The following SNTG1 variants were observed in gnomAD, a reference collection of about 807,000 sequenced individuals.
SNTG1 encodes syntrophin gamma 1, also known as gamma-1-syntrophin.
A neutral mutation model predicts 74.7 loss-of-function variants in SNTG1; 39 were observed. The ratio of observed to expected loss-of-function variants is 0.52; its 90% CI spans 0.40 to 0.68. The LOEUF (loss-of-function observed/expected upper bound fraction) is 0.68, where lower values mean the gene tolerates loss of function less well. SNTG1 is among the 30% of genes least tolerant of loss of function. SNTG1 has a pLI of 0.00. For synonymous variants in SNTG1, 254 were observed against 217.1 expected, an observed-to-expected ratio of 1.17 and a Z score of -1.49; for missense variants, 685 against 609.5, an observed-to-expected ratio of 1.12 and a Z score of -1.30.
At chr8:50,338,851 A>G (rs912649302) in intron 2 of SNTG1, among the ~76,000 whole-genome samples, 4 of 152,160 alleles carry the variant, frequency 2.6e-5, no homozygotes, top group African/African-American at 9.6e-5. Flanking sequence ...GAAAACATGT[A>G]GGAACAGAAT....
At chr8:50,060,995 A>G (rs1227407753) in intron 1 of SNTG1, among the ~76,000 whole-genome samples, 1 of 152,124 alleles carries the variant, frequency 6.6e-6, no homozygotes, top group Non-Finnish European at 1.5e-5. Context: ...GCTCAAGAGG[A>G]AGATTTGAAT....
intron 11 of SNTG1, among the ~76,000 whole-genome samples, chr8:50,551,735 A>G (rs1239622360): frequency 6.6e-6 from 1 of 152,224 alleles, no homozygotes; most frequent in Non-Finnish European, 1.5e-5. Context: ...CAATAGTTAT[A>G]CTTCTGAAAT....
At chr8:49,950,278 A>T (rs1169959543) in intron 1 of SNTG1, among the ~76,000 whole-genome samples, 1 of 152,248 alleles carries the variant, frequency 6.6e-6, no homozygotes, top group East Asian at 1.9e-4. Context: ...TGAATGTTAA[A>T]CATGTTATCA....
At chr8:50,605,349 C>A (rs907650332) in intron 13 of SNTG1, among the ~76,000 whole-genome samples, 2 of 152,146 alleles carry the variant, frequency 1.3e-5, no homozygotes, top group Admixed American at 6.5e-5. Flanking sequence ...GCTTAGACTG[C>A]CTTTCAACTT....
At chr8:50,223,513 G>A (rs1191867619) in intron 2 of SNTG1, among the ~76,000 whole-genome samples, 2 of 151,948 alleles carry the variant, frequency 1.3e-5, no homozygotes. Context: ...TCCTTATTGA[G>A]TTTATTATGC....
chr8:50,190,548 A>G (rs751075375), intron 2 of SNTG1, among the ~76,000 whole-genome samples: 3 of 152,188 alleles, frequency 2.0e-5, no homozygotes, highest in African/African-American at 4.8e-5. Flanking sequence ...GGCCGTAACT[A>G]ATTAGCATGC....
At chr8:50,004,081 C>G (rs1814990869) in intron 1 of SNTG1, among the ~76,000 whole-genome samples, 1 of 151,922 alleles carries the variant, frequency 6.6e-6, no homozygotes. Context: ...AAGCTAATAC[C>G]CTGAGGCCAT....
chr8:50,054,404 T>C (rs1368979791), intron 1 of SNTG1, among the ~76,000 whole-genome samples: 2 of 152,138 alleles, frequency 1.3e-5, no homozygotes, highest in African/African-American at 4.8e-5. Context: ...ATTATCTCCT[T>C]ACCCACTACT....
chr8:50,713,041 G>A lies in SNTG1; in HGVS notation c.1284+4063G>A, dbSNP rs150339817. ...AGTAATGGGATTGCTGGGTCAGATG[G>A]TATTTCTGGTTCTAGGTCCTTGAGG... On this transcript the variant is annotated intron_variant, in intron 17 of 18. Coordinates refer to ENST00000642720, the MANE Select transcript of SNTG1 (RefSeq NM_018967.5). Among the ~76,000 whole-genome samples, 479 of 152,244 alleles carry A rather than the reference G, an allele frequency of 3.1e-3. 4 individuals are homozygous for A. The highest frequency in any genetic ancestry group is 0.011 in the African/African-American group (461 of 41,540).
chr8:50,031,470 G>A (rs542591426), intron 1 of SNTG1, among the ~76,000 whole-genome samples: 226 of 152,024 alleles, frequency 1.5e-3, no homozygotes, highest in African/African-American at 5.2e-3. Context: ...GTATGTTTTC[G>A]TAGATTCTCT....
intron 1 of SNTG1, among the ~76,000 whole-genome samples, chr8:50,137,593 A>T (rs1586432402): frequency 6.6e-6 from 1 of 152,336 alleles, no homozygotes; most frequent in East Asian, 1.9e-4. Flanking sequence ...AAATAAGCAA[A>T]GCAGCAAGAA....
At chr8:50,679,970 C>G (rs10429378) in intron 15 of SNTG1, among the ~76,000 whole-genome samples, 50,559 of 151,920 alleles carry the variant, frequency 0.33, 10,880 homozygotes, top group African/African-American at 0.61. Flanking sequence ...GGCAAGGGGA[C>G]CTTACCTGGC....
chr8:50,660,982 G>A (rs1532995), intron 15 of SNTG1, among the ~76,000 whole-genome samples: 143,230 of 152,256 alleles, frequency 0.94, 67,425 homozygotes, highest in East Asian at 1. Flanking sequence ...TCATTTGCTT[G>A]TATTCATTGA....
Position 50,220,775 on chromosome 8 carries a change from T to C in SNTG1, c.-28+48140T>C, listed in dbSNP as rs556119445. Among the ~76,000 whole-genome samples, 10 of 152,356 alleles carry C rather than the reference T, an allele frequency of 6.6e-5. No homozygotes were observed. In the East Asian group the frequency reaches 1.4e-3, roughly 21 times the overall value. On this transcript the variant is annotated intron_variant, in intron 2 of 18. Coordinates refer to ENST00000642720, the MANE Select transcript of SNTG1 (RefSeq NM_018967.5). The stretch of plus-strand genomic sequence containing the variant: ...AAGATACATGCAGTAGTGCTTTTCC[T>C]GCCAGCATGGCAGCAACATTGAAGA...
chr8:50,505,633 A>G (rs2093999770), intron 9 of SNTG1, among the ~76,000 whole-genome samples: 1 of 151,968 alleles, frequency 6.6e-6, no homozygotes, highest in Non-Finnish European at 1.5e-5. Flanking sequence ...TCACATATTT[A>G]TTGGCCATTT....
chr8:50,569,835 C>A, intron 12 of SNTG1, among the ~76,000 whole-genome samples: 1 of 151,980 alleles, frequency 6.6e-6, no homozygotes, highest in East Asian at 1.9e-4. Flanking sequence ...CTTTATCCAC[C>A]AAAATGTGAA....
At chr8:50,781,823 G>T (rs1472755918) in intron 18 of SNTG1, among the ~76,000 whole-genome samples, 2 of 152,184 alleles carry the variant, frequency 1.3e-5, no homozygotes, top group Non-Finnish European at 2.9e-5. Context: ...AATTTGGCAT[G>T]ATTTTGCAGT....
intron 1 of SNTG1, among the ~76,000 whole-genome samples, chr8:49,936,231 C>T (rs1400909612): frequency 6.6e-6 from 1 of 152,010 alleles, no homozygotes; most frequent in African/African-American, 2.4e-5. Flanking sequence ...GCTGACTTAA[C>T]GCCTTTTAAA....
chr8:50,221,794 G>C (rs1002733614), intron 2 of SNTG1, among the ~76,000 whole-genome samples: 1 of 152,150 alleles, frequency 6.6e-6, no homozygotes, highest in Admixed American at 6.5e-5. Context: ...CAATGCAACA[G>C]GTTCCTTTTG....
Sources: gnomAD v4.1 joint callset for allele counts (sites outside exome capture counted in the v4.1 genomes callset) on GRCh38, gnomAD v4.1.1 for gene constraint, MANE v1.5 for transcripts, NCBI Gene and HGNC (gene_info 2026-07-23, HGNC 2026-07-21) for gene names.